SLC16A10: variants seen among roughly 807,000 people sequenced by gnomAD.
SLC16A10 encodes monocarboxylate transporter 10.
SLC16A10 carries 27 observed loss-of-function variants against 40.0 expected under a neutral mutation model. The observed-to-expected ratio is 0.67, with a 90% CI of 0.50 to 0.93. The LOEUF (loss-of-function observed/expected upper bound fraction) is 0.93. Ranked by LOEUF, SLC16A10 falls within the 40% of genes least tolerant of loss-of-function variation. The pLI is 0.00. For missense variants in SLC16A10, 529 were observed against 658.2 expected, an observed-to-expected ratio of 0.80 and a Z score of 2.15; for synonymous variants, 213 against 249.8, an observed-to-expected ratio of 0.85 and a Z score of 1.39.
intron 2 of SLC16A10, 75 bp from the exon 3 acceptor site, chr6:111,177,137 C>G: frequency 9.7e-7 from 1 of 1,028,390 alleles, no homozygotes; most frequent in Non-Finnish European, 1.3e-6. Flanking sequence ...CCCACTTATA[C>G]TATAAGATTT....
chr6:111,139,816 GTTC>G (rs1238113613), intron 1 of SLC16A10, among the ~76,000 whole-genome samples: 3 of 152,288 alleles, frequency 2.0e-5, no homozygotes, highest in East Asian at 1.9e-4. Flanking sequence ...TTGAATGGTA[GTTC>G]TTCTTTTAGC....
chr6:111,197,215 AG>A (rs1773093759), intron 3 of SLC16A10, among the ~76,000 whole-genome samples: 1 of 152,208 alleles, frequency 6.6e-6, no homozygotes, highest in Non-Finnish European at 1.5e-5. Context: ...AGAGATAGAT[AG>A]GAGACTTTGG....
chr6:111,151,770 C>T (rs1772176695), intron 1 of SLC16A10, among the ~76,000 whole-genome samples: 1 of 152,184 alleles, frequency 6.6e-6, no homozygotes, highest in African/African-American at 2.4e-5. Flanking sequence ...ATATGCTATT[C>T]CCTTTACATG....
In SLC16A10 at chr6:111,229,679, T is replaced by C. The variant is rs1771070878; in HGVS notation, c.*7444T>C. ...TTGAAATTTATCACTGAAAGTATCA[T>C]TGTTTGTCTTTCAGATTTAACATAA... On this transcript the variant is annotated 3_prime_UTR_variant, in exon 6 of 6. Coordinates refer to ENST00000368851, the MANE Select transcript of SLC16A10 (RefSeq NM_018593.5). 1 of 152,198 alleles carries C rather than the reference T, an allele frequency of 6.6e-6. No individual in the cohort carries two copies. The allele number at this position is 152,198 out of a possible 1,614,324, so 9.4% of individuals were successfully genotyped here.
At chr6:111,101,635 T>A (rs887255603) in intron 1 of SLC16A10, among the ~76,000 whole-genome samples, 1 of 152,128 alleles carries the variant, frequency 6.6e-6, no homozygotes, top group Non-Finnish European at 1.5e-5. Context: ...AATTATTATT[T>A]TTTTTGAGAC....
At position 111,227,764 on chromosome 6, in the gene SLC16A10, A is replaced by G. The variant is rs1490931358; in HGVS notation, c.*5529A>G. 6.6e-5 allele frequency: 10 copies of G among 152,192 alleles called. No homozygotes were observed. Among genetic ancestry groups the G allele is most frequent in the African/African-American group, 2.4e-4 (10 of 41,446 alleles). 9.4% of individuals were successfully genotyped at this position (152,192 alleles called of 1,614,324 possible). On this transcript the variant is annotated 3_prime_UTR_variant, in exon 6 of 6. Coordinates refer to ENST00000368851, the MANE Select transcript of SLC16A10 (RefSeq NM_018593.5). Reference sequence around the variant, plus strand: ...TTTTGAAATAGATTTCAATATTTTTATTAGTAAGTTGGAAAGACAGTAGGA... The same window carrying G: ...TTTTGAAATAGATTTCAATATTTTTGTTAGTAAGTTGGAAAGACAGTAGGA...
intron 3 of SLC16A10, among the ~76,000 whole-genome samples, chr6:111,183,139 A>G (rs1195440831): frequency 6.6e-6 from 1 of 152,074 alleles, no homozygotes; most frequent in Non-Finnish European, 1.5e-5. Flanking sequence ...GTCCTTCACA[A>G]TCTGGCCCCC....
intron 1 of SLC16A10, among the ~76,000 whole-genome samples, chr6:111,090,162 T>G (rs1770950190): frequency 6.6e-6 from 1 of 152,118 alleles, no homozygotes; most frequent in Non-Finnish European, 1.5e-5. Context: ...TCTTTTTTCT[T>G]TTTACTCAGT....
At chr6:111,179,669 T>A (rs183526415) in intron 3 of SLC16A10, among the ~76,000 whole-genome samples, 43 of 152,368 alleles carry the variant, frequency 2.8e-4, no homozygotes, top group Non-Finnish European at 5.0e-4. Context: ...GCAAATCAGA[T>A]GGTGCACAGA....
At chr6:111,100,371 A>G (rs931148902) in intron 1 of SLC16A10, among the ~76,000 whole-genome samples, 3 of 151,848 alleles carry the variant, frequency 2.0e-5, no homozygotes, top group African/African-American at 7.3e-5. Context: ...TTATTTGGGG[A>G]TTTGGATTTG....
intron 1 of SLC16A10, among the ~76,000 whole-genome samples, chr6:111,120,683 T>C (rs1000704079): frequency 2.0e-5 from 3 of 152,244 alleles, no homozygotes; most frequent in Non-Finnish European, 2.9e-5. Flanking sequence ...CTTTCACTTA[T>C]ACCATGAGCC....
chr6:111,218,769 A>G lies in SLC16A10; in HGVS notation c.1087-45A>G, dbSNP rs753832203. 8 of 1,524,696 alleles carry G rather than the reference A, an allele frequency of 5.2e-6. No homozygotes were observed. The East Asian group carries it at 1.8e-4, about 34-fold the overall frequency. 94.4% of individuals were successfully genotyped at this position (1,524,696 alleles called of 1,614,324 possible). ...AAGCATGTTGCATGGTAATTGTGACATTTGCTTCCTGCGAGCGGAGCTGAC... is the reference window on the plus strand; with the variant it reads ...AAGCATGTTGCATGGTAATTGTGACGTTTGCTTCCTGCGAGCGGAGCTGAC... On this transcript the variant is annotated intron_variant, in intron 4 of 5. Transcript: ENST00000368851.
At chr6:111,103,010 A>T (rs916031876) in intron 1 of SLC16A10, among the ~76,000 whole-genome samples, 1 of 152,030 alleles carries the variant, frequency 6.6e-6, no homozygotes, top group Non-Finnish European at 1.5e-5. Context: ...GGCTCAAGTG[A>T]TCCTCCCACC....
chr6:111,207,462 G>A (rs1448721809), intron 4 of SLC16A10, among the ~76,000 whole-genome samples: 1 of 152,206 alleles, frequency 6.6e-6, no homozygotes, highest in African/African-American at 2.4e-5. Flanking sequence ...ACAATCAACA[G>A]AACAGGTATT....
chr6:111,167,493 G>C (rs959493835), intron 1 of SLC16A10, among the ~76,000 whole-genome samples: 1 of 152,128 alleles, frequency 6.6e-6, no homozygotes, highest in Non-Finnish European at 1.5e-5. Flanking sequence ...GGAGAGTTCT[G>C]TGGGGGCATG....
In SLC16A10 at chr6:111,223,065, T is replaced by C. The variant is rs1770933645; in HGVS notation, c.*830T>C. On this transcript the variant is annotated 3_prime_UTR_variant, in exon 6 of 6. Transcript: ENST00000368851. ...GAATTTTTCTGACTTCTGGATTTGT[T>C]GGCACTAGAACCTGATATTTAAAGT... 2 of 140,118 alleles carry C rather than the reference T, an allele frequency of 1.4e-5. No homozygotes were observed. The highest frequency in any genetic ancestry group is 7.5e-5 in the Admixed American group (1 of 13,256). The allele number at this position is 140,118 out of a possible 1,614,324, so 8.7% of individuals were successfully genotyped here.
Position 111,206,274 on chromosome 6 carries a change from AC to A in SLC16A10, c.943-316del, listed in dbSNP as rs1470091713. Among the ~76,000 whole-genome samples, 3 of 152,024 alleles carry A rather than the reference AC, an allele frequency of 2.0e-5. No homozygotes were observed. In the East Asian group the frequency reaches 5.8e-4, roughly 29 times the overall value. ...ATATTTTTAGTAGAGATGAGGTTTCACCACGTTGGCCAGGCTGGTCTCGAAC... is the reference window on the plus strand; with the variant it reads ...ATATTTTTAGTAGAGATGAGGTTTCACACGTTGGCCAGGCTGGTCTCGAAC... On this transcript the variant is annotated intron_variant, in intron 3 of 5. Transcript: ENST00000368851.
At position 111,156,010 on chromosome 6, in the gene SLC16A10, C is replaced by T. The variant is rs192489408; in HGVS notation, c.344-16685C>T. Among the ~76,000 whole-genome samples the T allele has an allele frequency of 2.0e-5, 3 of 152,174 alleles. No homozygotes were observed. The East Asian group carries it at 5.8e-4, about 29-fold the overall frequency. ...CAGAAAGCAAGGGAGTACTCAAAAACTAAAAACAATAAACTGCTCCCCAAT... is the reference window on the plus strand; with the variant it reads ...CAGAAAGCAAGGGAGTACTCAAAAATTAAAAACAATAAACTGCTCCCCAAT... On this transcript the variant is annotated intron_variant, in intron 1 of 5. Coordinates refer to ENST00000368851, the MANE Select transcript of SLC16A10 (RefSeq NM_018593.5).
At chr6:111,184,365 G>T (rs575282822) in intron 3 of SLC16A10, among the ~76,000 whole-genome samples, 2 of 152,274 alleles carry the variant, frequency 1.3e-5, no homozygotes, top group African/African-American at 4.8e-5. Context: ...GTTCTCAAAA[G>T]AAACTTTGAC....
Sources: gnomAD v4.1 joint callset for allele counts (sites outside exome capture counted in the v4.1 genomes callset) on GRCh38, gnomAD v4.1.1 for gene constraint, MANE v1.5 for transcripts, NCBI Gene and HGNC (gene_info 2026-07-23, HGNC 2026-07-21) for gene names.